Variants in EIF4E2 observed in about 807,000 individuals in gnomAD.
The protein encoded by EIF4E2 is eukaryotic translation initiation factor 4E type 2.
A neutral mutation model predicts 34.2 loss-of-function variants in EIF4E2; 13 were observed. That is an observed-to-expected ratio of 0.38 (90% CI 0.25 to 0.60). The LOEUF (loss-of-function observed/expected upper bound fraction) is 0.60. EIF4E2 is among the 20% of genes least tolerant of loss of function. The pLI, the probability that EIF4E2 is intolerant of heterozygous loss-of-function variation, is 0.62. For synonymous variants in EIF4E2, 100 were observed against 106.6 expected (o/e 0.94, Z 0.38); for missense variants, 222 against 315.1 (o/e 0.70, Z 2.24).
At chr2:232,571,364 G>C (rs926468778), downstream of EIF4E2, among the ~76,000 whole-genome samples, 1 of 152,206 alleles carries the variant, frequency 6.6e-6, no homozygotes, top group Non-Finnish European at 1.5e-5. Context: ...ACTTGTAGTC[G>C]AGTTTTCATA....
At chr2:232,571,726 CT>C (rs1403612674), downstream of EIF4E2, among the ~76,000 whole-genome samples, 3 of 152,190 alleles carry the variant, frequency 2.0e-5, no homozygotes, top group African/African-American at 7.2e-5. Flanking sequence ...CAACACTGAA[CT>C]TTTATAGGCA....
intron 1 of EIF4E2, 27 bp from the exon 2 acceptor site, chr2:232,556,389 A>C: frequency 6.3e-7 from 1 of 1,580,294 alleles, no homozygotes; most frequent in Non-Finnish European, 8.7e-7. Context: ...TCGTCACAGA[A>C]TTGTATTGTG....
chr2:232,559,824 T>TAAAAAAA (rs576233672), intron 3 of EIF4E2, among the ~76,000 whole-genome samples: 17 of 115,480 alleles, frequency 1.5e-4, no homozygotes, highest in African/African-American at 5.1e-4. Context: ...ACGGGAGCAT[T>TAAAAAAA]AAAAAAAAAA....
chr2:232,579,708 C>A (rs974399228), intron 6 of EIF4E2, among the ~76,000 whole-genome samples: 8 of 152,116 alleles, frequency 5.3e-5, no homozygotes, highest in Admixed American at 6.5e-5. Context: ...AGCTTGTAAT[C>A]CCAGCATTTT....
rs564178917 is a variant in EIF4E2, at chr2:232,575,208, C to T, written c.666-5696C>T. Among the ~76,000 whole-genome samples the T allele has an allele frequency of 3.7e-4, 32 of 86,018 alleles. No individual in the cohort carries two copies. The South Asian group carries it at 9.7e-3, about 26-fold the overall frequency. The allele number at this position is 86,018 out of a possible 152,430, so 56.4% of individuals were successfully genotyped here. A position where few individuals can be genotyped will look rare whatever the true frequency, so the allele number is the denominator to read the frequency against. On this transcript the variant is annotated intron_variant, in intron 6 of 6. Transcript: ENST00000409098. Reference sequence around the variant, plus strand: ...AAATTCCCCCTTCCCTAGAAGGAGACGAGCGTTTTCCAGAAAAGGAGACCT... The same window carrying T: ...AAATTCCCCCTTCCCTAGAAGGAGATGAGCGTTTTCCAGAAAAGGAGACCT...
In EIF4E2 at chr2:232,566,380, C is replaced by T. The variant is rs1271141778; in HGVS notation, c.376-449C>T. Among the ~76,000 whole-genome samples, 1 of 152,136 alleles carries T rather than the reference C, an allele frequency of 6.6e-6. No homozygotes were observed. The highest frequency in any genetic ancestry group is 1.5e-5 in the Non-Finnish European group (1 of 68,014). ...TTTGTTTTTGTATTTTTAGTAGAGA[C>T]GCGGTTTCACCGTGTCAGCCAGGAT... On this transcript the variant is annotated intron_variant, in intron 4 of 6. Coordinates refer to ENST00000258416, the MANE Select transcript of EIF4E2 (RefSeq NM_004846.4). The surrounding 1 kb of genome is among the most constrained non-coding windows in gnomAD (Gnocchi z 4.9).
chr2:232,575,222 A>T (rs1297277544), intron 6 of EIF4E2, among the ~76,000 whole-genome samples: 2 of 84,820 alleles, frequency 2.4e-5, no homozygotes, highest in African/African-American at 3.9e-5. Flanking sequence ...CGTTTTCCAG[A>T]AAAGGAGACC....
intron 3 of EIF4E2, chr2:232,558,835 T>A (rs575361231): frequency 6.8e-6 from 1 of 147,272 alleles, no homozygotes; most frequent in African/African-American, 2.6e-5. Context: ...GAAAATGAAA[T>A]CTCTAATAAT....
At chr2:232,555,370 A>C (rs1308877561) in intron 1 of EIF4E2, among the ~76,000 whole-genome samples, 2 of 152,238 alleles carry the variant, frequency 1.3e-5, no homozygotes. Context: ...TTGTCTTTGC[A>C]AACTCACCTT....
intron 2 of EIF4E2, among the ~76,000 whole-genome samples, chr2:232,556,814 G>C (rs1001728151): frequency 2.0e-5 from 3 of 152,194 alleles, no homozygotes; most frequent in African/African-American, 7.2e-5. Context: ...TGCTTCATAA[G>C]CCACTGCTGA....
intron 3 of EIF4E2, among the ~76,000 whole-genome samples, chr2:232,562,219 GATGA>G (rs35596170): frequency 0.3 from 46,002 of 151,252 alleles, 7,498 homozygotes; most frequent in Admixed American, 0.41. Context: ...CATCTCAAAT[GATGA>G]ATGAATGAAT....
chr2:232,552,951 C>T (rs1692397759), intron 1 of EIF4E2, among the ~76,000 whole-genome samples: 1 of 152,162 alleles, frequency 6.6e-6, no homozygotes, highest in Non-Finnish European at 1.5e-5. Context: ...TACCACATTG[C>T]TCTCTCTAGT....
chr2:232,569,069 T>A lies in EIF4E2; in HGVS notation c.*52T>A, dbSNP rs754631229. On this transcript the variant is annotated 3_prime_UTR_variant, in exon 7 of 7. Transcript: ENST00000258416. The stretch of plus-strand genomic sequence containing the variant: ...CATTGAAGCTGGCGTCATCGGAGTC[T>A]CTTGTTCTGTTGGCGTGCTACCTGG... 1.1e-5 allele frequency: 18 copies of A among 1,603,466 alleles called. No individual in the cohort carries two copies. The highest frequency in any genetic ancestry group is 6.9e-5 in the Admixed American group (4 of 57,974).
intron 2 of EIF4E2, chr2:232,557,678 C>T: frequency 1.7e-6 from 1 of 604,698 alleles, no homozygotes; most frequent in Non-Finnish European, 2.9e-6. Context: ...CATAAGAACA[C>T]AGGTAAAGTG....
chr2:232,577,825 A>T (rs1043494108), intron 6 of EIF4E2, among the ~76,000 whole-genome samples: 4 of 152,184 alleles, frequency 2.6e-5, no homozygotes, highest in Admixed American at 2.0e-4. Context: ...GCTTTGCCAG[A>T]TTGCTAGAGG....
At chr2:232,556,077 A>G (rs879501130) in intron 1 of EIF4E2, among the ~76,000 whole-genome samples, 1 of 152,236 alleles carries the variant, frequency 6.6e-6, no homozygotes, top group Non-Finnish European at 1.5e-5. Flanking sequence ...GAAATGCCAT[A>G]GCATTAGAGA....
chr2:232,568,825 C>T (rs1477850298), intron 6 of EIF4E2, 120 bp from the exon 7 acceptor site: 7 of 1,513,878 alleles, frequency 4.6e-6, no homozygotes, highest in Non-Finnish European at 5.3e-6. Flanking sequence ...GCCTCTGGGA[C>T]TTCAGCCCTG....
At chr2:232,551,081 TG>T (rs1025399786) in intron 1 of EIF4E2, 2 of 622,434 alleles carry the variant, frequency 3.2e-6, no homozygotes, top group Non-Finnish European at 6.1e-6. Flanking sequence ...GCGGTTTGGG[TG>T]TTTCCGCAGT....
chr2:232,580,860 T>C (rs200288946), intron 6 of EIF4E2: 35 of 1,508,126 alleles, frequency 2.3e-5, no homozygotes, highest in Middle Eastern at 2.3e-4. Flanking sequence ...GTATAGATGA[T>C]CCTTGTATTG....
Sources: gnomAD v4.1 joint callset for allele counts (sites outside exome capture counted in the v4.1 genomes callset) on GRCh38, gnomAD v4.1.1 for gene constraint, Gnocchi (gnomAD v3.1) non-coding constraint, MANE v1.5 for transcripts, NCBI Gene and HGNC (gene_info 2026-07-23, HGNC 2026-07-21) for gene names.